The following JAZF1 variants were observed in gnomAD, a reference collection of about 807,000 sequenced individuals.
JAZF1 encodes the protein JAZF zinc finger 1.
Under a neutral mutation model 26.4 loss-of-function variants are expected in JAZF1, and 8 were observed. That is an observed-to-expected ratio of 0.30 (90% CI 0.18 to 0.55). The LOEUF (loss-of-function observed/expected upper bound fraction) is 0.55, where lower values mean the gene tolerates loss of function less well. Among genes scored for constraint, JAZF1 ranks in the 20% least tolerant of loss-of-function variants. The probability of loss-of-function intolerance (pLI) is 0.94; values close to 1 mark genes in which losing one functional copy is unlikely to be tolerated. For missense variants in JAZF1, 199 were observed against 322.0 expected (o/e 0.62, Z 2.92); for synonymous variants, 126 against 122.3 (o/e 1.03, Z -0.20).
At chr7:27,902,170 A>G (rs1784173748) in intron 2 of JAZF1, among the ~76,000 whole-genome samples, 1 of 152,250 alleles carries the variant, frequency 6.6e-6, no homozygotes, top group African/African-American at 2.4e-5. Context: ...ACGTGATTAT[A>G]TGGGGCTGCC....
intron 1 of JAZF1, among the ~76,000 whole-genome samples, chr7:28,077,637 T>A (rs1460238546): frequency 6.6e-6 from 1 of 152,186 alleles, no homozygotes; most frequent in African/African-American, 2.4e-5. Flanking sequence ...TCCAGCAAAG[T>A]GACCACTTGT....
In JAZF1 at chr7:28,025,399, G is replaced by A. The variant is rs759414727; in HGVS notation, c.116-33418C>T. 1.2e-4 allele frequency among the ~76,000 whole-genome samples: 19 copies of A among 152,156 alleles called. 1 individual carries two copies. The highest frequency in any genetic ancestry group is 2.5e-4 in the Non-Finnish European group (17 of 68,010). ...TCTAAATCCTTACAACCACCACCATGAGAAAAAGATGTGCTTGTCCTCACA... is the reference window on the plus strand; with the variant it reads ...TCTAAATCCTTACAACCACCACCATAAGAAAAAGATGTGCTTGTCCTCACA... On this transcript the variant is annotated intron_variant, in intron 1 of 4. Transcript: ENST00000283928.
At chr7:27,898,055 A>G (rs746106033) in intron 2 of JAZF1, among the ~76,000 whole-genome samples, 8 of 152,184 alleles carry the variant, frequency 5.3e-5, no homozygotes, top group Non-Finnish European at 8.8e-5. Context: ...AAGCATTATT[A>G]TATCGTTATG....
intron 1 of JAZF1, among the ~76,000 whole-genome samples, chr7:28,168,569 C>T (rs1312766855): frequency 3.3e-5 from 5 of 152,144 alleles, no homozygotes; most frequent in East Asian, 1.9e-4. Flanking sequence ...GTCTCTGCCA[C>T]GCCCCACTGC....
chr7:28,142,200 T>C (rs570480185), intron 1 of JAZF1, among the ~76,000 whole-genome samples: 184 of 152,260 alleles, frequency 1.2e-3, no homozygotes, highest in African/African-American at 4.3e-3. Context: ...CCCATAAACA[T>C]CATCTGGGGA....
intron 2 of JAZF1, among the ~76,000 whole-genome samples, chr7:27,916,693 G>T (rs1237458837): frequency 2.0e-5 from 3 of 152,090 alleles, no homozygotes; most frequent in African/African-American, 7.2e-5. Context: ...CCAATAAAAA[G>T]CTCAAAATGC....
intron 1 of JAZF1, among the ~76,000 whole-genome samples, chr7:28,123,750 G>A (rs1056389422): frequency 3.3e-5 from 5 of 152,196 alleles, no homozygotes; most frequent in African/African-American, 1.2e-4. Context: ...ATGGAAATAA[G>A]GGTCTTAAAA....
intron 2 of JAZF1, among the ~76,000 whole-genome samples, chr7:27,965,514 T>C (rs917060162): frequency 2.0e-5 from 3 of 152,200 alleles, no homozygotes; most frequent in African/African-American, 7.2e-5. Flanking sequence ...TAAATTTGAC[T>C]GCATGAAGAA....
chr7:28,159,172 A>G (rs563574511), intron 1 of JAZF1, among the ~76,000 whole-genome samples: 8 of 152,132 alleles, frequency 5.3e-5, no homozygotes, highest in African/African-American at 1.9e-4. Context: ...CTCAGCTGAC[A>G]TGGAGAGAGA....
At chr7:28,090,076 T>C (rs1054419365) in intron 1 of JAZF1, among the ~76,000 whole-genome samples, 1 of 152,358 alleles carries the variant, frequency 6.6e-6, no homozygotes, top group South Asian at 2.1e-4. Context: ...AGAATCAAGG[T>C]TGCCTGCCAG....
intron 1 of JAZF1, among the ~76,000 whole-genome samples, chr7:28,097,751 C>T (rs1784407685): frequency 1.3e-5 from 2 of 152,098 alleles, no homozygotes; most frequent in South Asian, 2.1e-4. Context: ...AGAAAGGTGG[C>T]AGCCACAGGC....
At chr7:28,099,363 T>C (rs367785734) in intron 1 of JAZF1, among the ~76,000 whole-genome samples, 2 of 151,872 alleles carry the variant, frequency 1.3e-5, no homozygotes, top group Admixed American at 6.5e-5. Context: ...AAAGCTTTTT[T>C]TTTTCTTTTT....
intron 1 of JAZF1, among the ~76,000 whole-genome samples, chr7:28,163,885 G>A (rs997442993): frequency 6.6e-6 from 1 of 152,154 alleles, no homozygotes; most frequent in African/African-American, 2.4e-5. Context: ...ATAATAGATT[G>A]GATTACTGTT....
chr7:27,900,791 GTT>G (rs1348056688), intron 2 of JAZF1, among the ~76,000 whole-genome samples: 5 of 152,068 alleles, frequency 3.3e-5, no homozygotes, highest in Non-Finnish European at 7.4e-5. Context: ...TGTTTAAAAA[GTT>G]TTTTAATTGA....
At chr7:28,080,919 A>G (rs1784125518) in intron 1 of JAZF1, among the ~76,000 whole-genome samples, 1 of 150,016 alleles carries the variant, frequency 6.7e-6, no homozygotes, top group South Asian at 2.1e-4. Flanking sequence ...ATGGCCATAA[A>G]CCTACAATTT....
rs1562755913 is a variant in JAZF1, at chr7:27,832,888, C to T, written c.644G>A (p.Ser215Asn). 1.2e-6 allele frequency: 2 copies of T among 1,613,544 alleles called. No individual in the cohort carries two copies. Among genetic ancestry groups the T allele is most frequent in the Non-Finnish European group, 1.7e-6 (2 of 1,179,842 alleles). Residue 215 changes from serine (S) to asparagine (N), a missense_variant, in exon 5 of 5, where the codon AGT (serine) becomes AAT (asparagine). Ser to Asn is a conservative substitution (Grantham distance 46). Transcript: ENST00000283928. Reference sequence around the variant, plus strand: ...CCGCAGGCCCTGAGCTGTCTTGTAACTCTTCCCACAGCGACACTTGAATGG... The same window carrying T: ...CCGCAGGCCCTGAGCTGTCTTGTAATTCTTCCCACAGCGACACTTGAATGG... ...RKPFKCRCGK[S>N]YKTAQGLRHH... is the part of the protein sequence containing the mutation.
intron 3 of JAZF1, among the ~76,000 whole-genome samples, chr7:27,846,188 T>C (rs1168779853): frequency 2.6e-5 from 4 of 152,156 alleles, no homozygotes. Flanking sequence ...TTTCCACATA[T>C]AAGTGAGATC....
intron 1 of JAZF1, among the ~76,000 whole-genome samples, chr7:28,118,581 T>C (rs908651331): frequency 2.6e-5 from 4 of 152,354 alleles, no homozygotes; most frequent in South Asian, 4.1e-4. Flanking sequence ...TAAACTGGAA[T>C]TTTTAAAGTA....
intron 1 of JAZF1, among the ~76,000 whole-genome samples, chr7:28,016,059 A>T (rs1475010966): frequency 6.6e-6 from 1 of 152,162 alleles, no homozygotes; most frequent in Admixed American, 6.5e-5. Flanking sequence ...GGCACTATAG[A>T]GCCTCTGAGC....
Sources: allele counts gnomAD v4.1 joint callset (sites outside exome capture counted in the v4.1 genomes callset), GRCh38; gene constraint gnomAD v4.1.1; transcripts MANE v1.5; gene names NCBI Gene and HGNC (gene_info 2026-07-23, HGNC 2026-07-21).